Variants in SGCD observed in about 807,000 individuals in gnomAD.
SGCD encodes the protein sarcoglycan delta, also known as delta-sarcoglycan.
A neutral mutation model predicts 36.6 loss-of-function variants in SGCD; 18 were observed. The observed-to-expected ratio is 0.49, with a 90% CI of 0.34 to 0.73. The LOEUF (loss-of-function observed/expected upper bound fraction) is 0.73, where lower values mean the gene tolerates loss of function less well. Among genes scored for constraint, SGCD ranks in the 30% least tolerant of loss-of-function variants. SGCD has a pLI of 0.01. For missense variants in SGCD, 387 were observed against 346.7 expected (o/e 1.12, Z -0.92); for synonymous variants, 133 against 130.6 (o/e 1.02, Z -0.12).
intron 3 of SGCD, among the ~76,000 whole-genome samples, chr5:156,451,192 G>A (rs969293846): frequency 8.6e-5 from 13 of 151,844 alleles, no homozygotes; most frequent in Admixed American, 8.5e-4. Context: ...ATAGATGTGT[G>A]GGTCTGGGTT....
At chr5:156,657,278 G>A (rs1199362717) in intron 7 of SGCD, among the ~76,000 whole-genome samples, 5 of 150,880 alleles carry the variant, frequency 3.3e-5, no homozygotes, top group African/African-American at 7.3e-5. Flanking sequence ...TAAGTTTTAG[G>A]GTACATGTGC....
intron 1 of SGCD, among the ~76,000 whole-genome samples, chr5:156,069,303 A>C (rs1010258729): frequency 2.0e-5 from 3 of 152,138 alleles, no homozygotes; most frequent in Non-Finnish European, 2.9e-5. Context: ...TTTTTGTATA[A>C]GGTGTAGGGA....
intron 3 of SGCD, among the ~76,000 whole-genome samples, chr5:156,158,025 C>G (rs1163446042): frequency 2.7e-5 from 4 of 150,144 alleles, no homozygotes; most frequent in African/African-American, 9.9e-5. Context: ...GTTGGTGATT[C>G]AAATGAACAG....
intron 4 of SGCD, among the ~76,000 whole-genome samples, chr5:156,575,797 A>AAGGGTACAC (rs1759919120): frequency 6.6e-6 from 1 of 152,226 alleles, no homozygotes; most frequent in Admixed American, 6.5e-5. Context: ...TTGGGTACAC[A>AAGGGTACAC]AAGGTACACA....
intron 1 of SGCD, among the ~76,000 whole-genome samples, chr5:155,973,446 G>A (rs145565392): frequency 8.5e-4 from 130 of 152,278 alleles, no homozygotes; most frequent in African/African-American, 3.0e-3. Flanking sequence ...TCATGCTTCT[G>A]TTTTGCCCAA....
intron 3 of SGCD, among the ~76,000 whole-genome samples, chr5:156,461,564 A>G (rs935893724): frequency 3.3e-5 from 5 of 152,172 alleles, no homozygotes; most frequent in Non-Finnish European, 7.4e-5. Flanking sequence ...GTTTTCATAT[A>G]TAAAATATTG....
the SGCD span, among the ~76,000 whole-genome samples, chr5:155,828,678 A>AT: frequency 8.7e-4 from 127 of 145,960 alleles, no homozygotes; most frequent in Non-Finnish European, 1.0e-3. Flanking sequence ...TTTACTTTTT[A>AT]TTTTTTTTTT....
intron 1 of SGCD, among the ~76,000 whole-genome samples, chr5:156,029,790 T>G (rs1759303031): frequency 1.3e-5 from 2 of 151,900 alleles, no homozygotes; most frequent in Non-Finnish European, 2.9e-5. Flanking sequence ...CAACACAGAA[T>G]TTTTTTTTAA....
chr5:155,882,003 T>C (rs1755897480), intron 1 of SGCD, among the ~76,000 whole-genome samples: 1 of 152,162 alleles, frequency 6.6e-6, no homozygotes, highest in African/African-American at 2.4e-5. Context: ...TCCTCTGAAG[T>C]CTTGAACCCC....
intron 6 of SGCD, among the ~76,000 whole-genome samples, chr5:156,619,564 T>G (rs1762162709): frequency 6.6e-6 from 1 of 152,132 alleles, no homozygotes; most frequent in South Asian, 2.1e-4. Flanking sequence ...CTATATTGTC[T>G]CCTTTCCTAT....
At chr5:156,299,119 T>C (rs931798187) in intron 3 of SGCD, among the ~76,000 whole-genome samples, 4 of 152,216 alleles carry the variant, frequency 2.6e-5, no homozygotes, top group Admixed American at 2.0e-4. Flanking sequence ...TTATTATATA[T>C]TGCAAGAGAT....
chr5:156,613,785 C>T (rs1327158566), intron 6 of SGCD, among the ~76,000 whole-genome samples: 1 of 152,202 alleles, frequency 6.6e-6, no homozygotes, highest in Non-Finnish European at 1.5e-5. Context: ...CTCCTGGTAA[C>T]TTTCAAATGA....
the SGCD span, among the ~76,000 whole-genome samples, chr5:155,791,266 G>C: frequency 1.3e-5 from 2 of 152,082 alleles, no homozygotes; most frequent in African/African-American, 2.4e-5. Context: ...TCATGGAACA[G>C]AGTCAGAATG....
At chr5:155,880,890 C>T (rs1023219995) in intron 1 of SGCD, among the ~76,000 whole-genome samples, 1 of 151,972 alleles carries the variant, frequency 6.6e-6, no homozygotes, top group Non-Finnish European at 1.5e-5. Flanking sequence ...GTTTTTATTT[C>T]AAAATTTTAC....
At chr5:155,922,312 C>T (rs1429895277) in intron 1 of SGCD, among the ~76,000 whole-genome samples, 1 of 152,106 alleles carries the variant, frequency 6.6e-6, no homozygotes, top group Admixed American at 6.6e-5. Context: ...AGTTAAGTGA[C>T]ATGGCAGTGT....
chr5:155,845,204 T>C, the SGCD span, among the ~76,000 whole-genome samples: 1 of 152,218 alleles, frequency 6.6e-6, no homozygotes, highest in Admixed American at 6.5e-5. Flanking sequence ...CTACCTTTCA[T>C]GAGCTAATAT....
At chr5:156,152,362 C>T (rs954387531) in intron 3 of SGCD, among the ~76,000 whole-genome samples, 6 of 151,452 alleles carry the variant, frequency 4.0e-5, no homozygotes, top group African/African-American at 1.5e-4. Context: ...ACTAAATGTG[C>T]ATGATAGTCC....
chr5:156,646,205 T>C (rs452986), intron 6 of SGCD, among the ~76,000 whole-genome samples: 139,489 of 152,200 alleles, frequency 0.92, 64,069 homozygotes, highest in East Asian at 0.99. Flanking sequence ...TGAGTGGGAG[T>C]TGAGGGAGCA....
intron 6 of SGCD, among the ~76,000 whole-genome samples, chr5:156,613,902 G>T (rs1274244903): frequency 1.3e-5 from 2 of 152,182 alleles, no homozygotes; most frequent in African/African-American, 4.8e-5. Flanking sequence ...CTGAATAAAT[G>T]CATTTGATCC....
Sources: gnomAD v4.1 joint callset for allele counts (sites outside exome capture counted in the v4.1 genomes callset) on GRCh38, gnomAD v4.1.1 for gene constraint, MANE v1.5 for transcripts, NCBI Gene and HGNC (gene_info 2026-07-23, HGNC 2026-07-21) for gene names.